The following DACT1 variants were observed in gnomAD, a reference collection of about 807,000 sequenced individuals.
The protein encoded by DACT1 is dishevelled binding antagonist of beta catenin 1, also known as dapper homolog 1.
A neutral mutation model predicts 35.3 loss-of-function variants in DACT1; 19 were observed. The ratio of observed to expected loss-of-function variants is 0.54; its 90% CI spans 0.38 to 0.79. DACT1 has a LOEUF of 0.79. Ranked by LOEUF, DACT1 falls within the 30% of genes least tolerant of loss-of-function variation. The pLI, the probability that DACT1 is intolerant of heterozygous loss-of-function variation, is 0.00. For missense variants in DACT1, 1,143 were observed against 1,057.5 expected (o/e 1.08, Z -1.12); for synonymous variants, 545 against 466.7 (o/e 1.17, Z -2.16).
chr14:58,646,801 C>T lies in DACT1; in HGVS notation c.2067C>T (p.Tyr689=). ...PYAYVASDSE[Y]SAECESLFHS... ...CCTACGTGGCTAGCGACTCCGAGTACTCGGCCGAGTGCGAGTCCCTGTTCC... is the reference window on the plus strand; with the variant it reads ...CCTACGTGGCTAGCGACTCCGAGTATTCGGCCGAGTGCGAGTCCCTGTTCC... The change falls in exon 4 of 4, where the codon TAC becomes TAT. Residue 689 remains tyrosine (Y), a synonymous_variant. Transcript: ENST00000395153. 1 of 1,614,198 alleles carries T rather than the reference C, an allele frequency of 6.2e-7. No homozygotes were observed. The highest frequency in any genetic ancestry group is 8.5e-7 in the Non-Finnish European group (1 of 1,180,036).
In DACT1 at chr14:58,647,260, C is replaced by A; in HGVS notation, c.*126C>A. ...GAATGCTTTTTAAAAAAATATAAAA[C>A]CAAGGTAAATTATTGTTTCATCTTC... On this transcript the variant is annotated 3_prime_UTR_variant, in exon 4 of 4. Coordinates refer to ENST00000395153, the MANE Select transcript of DACT1 (RefSeq NM_001079520.2). 1 of 1,152,380 alleles carries A rather than the reference C, an allele frequency of 8.7e-7. No homozygotes were observed. The highest frequency in any genetic ancestry group is 1.2e-6 in the Non-Finnish European group (1 of 811,110). The allele number at this position is 1,152,380 out of a possible 1,614,324, so 71.4% of individuals were successfully genotyped here.
At position 58,640,699 on chromosome 14, in the gene DACT1, C is replaced by T. The variant is rs765746075; in HGVS notation, c.346-37C>T. The stretch of plus-strand genomic sequence containing the variant: ...AGACTTTCTGGTTCTTTTGTCACCC[C>T]TGTATGTTCATGTTTCCTTTGTTTC... On this transcript the variant is annotated intron_variant, in intron 1 of 3. Coordinates refer to ENST00000395153, the MANE Select transcript of DACT1 (RefSeq NM_001079520.2). 4 of 1,612,790 alleles carry T rather than the reference C, an allele frequency of 2.5e-6. No individual in the cohort carries two copies. In the South Asian group the frequency reaches 3.3e-5, roughly 13 times the overall value.
Position 58,638,210 on chromosome 14 carries a change from C to A in DACT1, c.8C>A (p.Pro3Gln). The A allele has an allele frequency of 7.5e-7, 1 of 1,338,192 alleles. No individual in the cohort carries two copies. The highest frequency in any genetic ancestry group is 1.8e-5 in the South Asian group (1 of 54,512). 82.9% of individuals were successfully genotyped at this position (1,338,192 alleles called of 1,614,324 possible). ...GCTGCCCGACTGGGGGCCATGAAGC[C>A]GAGTCCGGCCGGGACGGCGAAGGAG... MKPSPAGTAKELE... is the reference protein window; with the variant it reads MKQSPAGTAKELE... Residue 3 changes from proline to glutamine, a missense_variant, in exon 1 of 4, where the codon CCG (proline) becomes CAG (glutamine). Pro to Gln is a moderately conservative substitution (Grantham distance 76, BLOSUM62 -1). Coordinates refer to ENST00000395153, the MANE Select transcript of DACT1 (RefSeq NM_001079520.2).
Position 58,644,522 on chromosome 14 carries a change from T to A in DACT1, c.635-847T>A, listed in dbSNP as rs748854477. Among the ~76,000 whole-genome samples, 3 of 152,290 alleles carry A rather than the reference T, an allele frequency of 2.0e-5. No homozygotes were observed. The East Asian group carries it at 5.8e-4, about 29-fold the overall frequency. On this transcript the variant is annotated intron_variant, in intron 3 of 3. Transcript: ENST00000395153. ...TTAGGATTGCAGGCGTGAGCCATCA[T>A]ACCTGGCCCCTGTTTTATTTTTTTA...
upstream of DACT1, among the ~76,000 whole-genome samples, chr14:58,634,756 A>G (rs987822187): frequency 6.6e-6 from 1 of 152,210 alleles, no homozygotes; most frequent in Non-Finnish European, 1.5e-5. Context: ...CTGCAATAGA[A>G]TGTTCACCGC....
At position 58,645,677 on chromosome 14, in the gene DACT1, C is replaced by T. The variant is rs1204112328; in HGVS notation, c.943C>T (p.Pro315Ser). ...ILSLVQKKTH[P>S]VRTNKPRTSV... ...GAGCCTGGTCCAGAAAAAAACACAC[C>T]CTGTAAGGACCAACAAACCAAGAAC... The change falls in exon 4 of 4, where the codon CCT (proline) becomes TCT (serine). Residue 315 changes from proline (P) to serine (S), a missense_variant. This residue lies in a region of DACT1 where 1,054 missense variants were observed against 958.8 expected (regional missense o/e 1.10). Coordinates refer to ENST00000395153, the MANE Select transcript of DACT1 (RefSeq NM_001079520.2). 1.9e-6 allele frequency: 3 copies of T among 1,614,178 alleles called. No homozygotes were observed. The highest frequency in any genetic ancestry group is 2.5e-6 in the Non-Finnish European group (3 of 1,180,036).
At position 58,646,554 on chromosome 14, in the gene DACT1, G is replaced by A. The variant is rs754474567; in HGVS notation, c.1820G>A (p.Gly607Asp). The change falls in exon 4 of 4, where the codon GGC becomes GAC. Residue 607 changes from glycine (G) to aspartate (D), a missense_variant. Around this residue, in one of 3 missense-constraint regions of DACT1, gnomAD observed 1,054 missense variants for 958.8 expected, o/e 1.10. Coordinates refer to ENST00000395153, the MANE Select transcript of DACT1 (RefSeq NM_001079520.2). ...SGGGPEAGVP[G>D]RPAGGGHRAG... ...GGCGGGCCCGAGGCTGGTGTTCCCG[G>A]CAGGCCCGCGGGCGGGGGCCACAGG... 1.1e-4 allele frequency: 169 copies of A among 1,556,138 alleles called. No homozygotes were observed. The highest frequency in any genetic ancestry group is 1.4e-4 in the Non-Finnish European group (166 of 1,153,084).
intron 1 of DACT1, among the ~76,000 whole-genome samples, chr14:58,640,467 G>C (rs2047616183): frequency 6.6e-6 from 1 of 152,154 alleles, no homozygotes; most frequent in Admixed American, 6.5e-5. Flanking sequence ...TCTATGAAAA[G>C]TCAGTTTGTA....
chr14:58,645,180 T>C, intron 3 of DACT1, 189 bp from the exon 4 acceptor site: 1 of 1,124,556 alleles, frequency 8.9e-7, no homozygotes, highest in Non-Finnish European at 1.3e-6. Context: ...CCATGGATTT[T>C]TCATAAAAAT....
chr14:58,643,628 T>C (rs1037269437), intron 3 of DACT1, among the ~76,000 whole-genome samples: 1 of 152,190 alleles, frequency 6.6e-6, no homozygotes, highest in Non-Finnish European at 1.5e-5. Flanking sequence ...AAAGGCACTT[T>C]GGTTTAGGTT....
At chr14:58,635,330 T>C (rs2047566686), upstream of DACT1, among the ~76,000 whole-genome samples, 1 of 152,172 alleles carries the variant, frequency 6.6e-6, no homozygotes, top group Admixed American at 6.5e-5. Context: ...ATTTGGCTGC[T>C]AGCTTAAAAA....
At chr14:58,637,783 C>T (rs551707720), upstream of DACT1, among the ~76,000 whole-genome samples, 35 of 90,114 alleles carry the variant, frequency 3.9e-4, 1 homozygote, top group South Asian at 5.5e-3. Flanking sequence ...CGGGGAGGGG[C>T]GAGGAGGGGC....
At chr14:58,638,837 G>C (rs945220668) in intron 1 of DACT1, 6 of 1,130,848 alleles carry the variant, frequency 5.3e-6, no homozygotes, top group Non-Finnish European at 6.5e-6. Flanking sequence ...GGGATTCTTG[G>C]AGTCGCCTAG....
intron 1 of DACT1, among the ~76,000 whole-genome samples, 175 bp from the exon 2 acceptor site, chr14:58,640,560 CA>C (rs2047616796): frequency 6.6e-6 from 1 of 152,178 alleles, no homozygotes; most frequent in Non-Finnish European, 1.5e-5. Context: ...TGGAATTAAA[CA>C]TAGGACATAT....
chr14:58,646,552 C>A lies in DACT1; in HGVS notation c.1818C>A (p.Pro606=). The change falls in exon 4 of 4, where the codon CCC becomes CCA. Residue 606 remains proline (P), a synonymous_variant. Coordinates refer to ENST00000395153, the MANE Select transcript of DACT1 (RefSeq NM_001079520.2). ...KSGGGPEAGV[P]GRPAGGGHRA... is the part of the protein sequence containing the mutation. ...GGGGCGGGCCCGAGGCTGGTGTTCC[C>A]GGCAGGCCCGCGGGCGGGGGCCACA... The A allele has an allele frequency of 1.3e-6, 2 of 1,555,836 alleles. No individual in the cohort carries two copies. Among genetic ancestry groups the A allele is most frequent in the Non-Finnish European group, 8.7e-7 (1 of 1,152,880 alleles).
chr14:58,638,627 A>T (rs2047598066), intron 1 of DACT1, 80 bp downstream of exon 1: 1 of 1,260,520 alleles, frequency 7.9e-7, no homozygotes, highest in Non-Finnish European at 1.0e-6. Context: ...GGCGGGCGCG[A>T]GGTTGACTCT....
intron 2 of DACT1, 58 bp from the exon 3 acceptor site, chr14:58,641,534 C>A: frequency 6.6e-7 from 1 of 1,524,394 alleles, no homozygotes; most frequent in Admixed American, 1.9e-5. Flanking sequence ...TCCTGTTAAG[C>A]GTGAATATGC....
chr14:58,643,721 A>G (rs1181606972), intron 3 of DACT1, among the ~76,000 whole-genome samples: 4 of 152,180 alleles, frequency 2.6e-5, no homozygotes, highest in African/African-American at 9.7e-5. Flanking sequence ...GGGGGCTAGG[A>G]TATCTGTTTT....
At chr14:58,640,603 G>T in intron 1 of DACT1, 133 bp from the exon 2 acceptor site, 2 of 1,005,366 alleles carry the variant, frequency 2.0e-6, no homozygotes, top group Non-Finnish European at 2.9e-6. Context: ...CGTTACTTCA[G>T]GTCATCCAGT....
Sources: allele counts gnomAD v4.1 joint callset (sites outside exome capture counted in the v4.1 genomes callset), GRCh38; gene constraint gnomAD v4.1.1; regional missense constraint gnomAD v4.1.1; transcripts MANE v1.5; gene names NCBI Gene and HGNC (gene_info 2026-07-23, HGNC 2026-07-21).